Variants in NUGGC observed in about 807,000 individuals in gnomAD.
The protein encoded by NUGGC is nuclear GTPase, germinal center associated, also known as nuclear GTPase SLIP-GC.
Under a neutral mutation model 92.6 loss-of-function variants are expected in NUGGC, and 58 were observed. The ratio of observed to expected loss-of-function variants is 0.63; its 90% confidence interval spans 0.51 to 0.78. The LOEUF (loss-of-function observed/expected upper bound fraction) is 0.78, where lower values mean the gene tolerates loss of function less well. Ranked by LOEUF, NUGGC falls within the 30% of genes least tolerant of loss-of-function variation. NUGGC has a pLI of 0.00. For missense variants in NUGGC, 925 were observed against 964.6 expected (o/e 0.96, Z 0.54); for synonymous variants, 376 against 366.4 (o/e 1.03, Z -0.30).
rs1033788678 is a variant in NUGGC, at chr8:28,022,385, C to G, written c.*932G>C. 6.6e-5 allele frequency: 10 copies of G among 151,120 alleles called. No homozygotes were observed. The highest frequency in any genetic ancestry group is 2.4e-4 in the African/African-American group (10 of 41,248). The allele number at this position is 151,120 out of a possible 1,614,324, so 9.4% of individuals were successfully genotyped here. A position where few individuals can be genotyped will look rare whatever the true frequency, so the allele number is the denominator to read the frequency against. Reference sequence around the variant, plus strand: ...GTGTTAGCCAGGATGGTCTCAATCTCCTGACCTCATGATCCGCCCGCCTCA... The same window carrying G: ...GTGTTAGCCAGGATGGTCTCAATCTGCTGACCTCATGATCCGCCCGCCTCA... On this transcript the variant is annotated 3_prime_UTR_variant, in exon 19 of 19. Transcript: ENST00000413272.
In NUGGC at chr8:28,023,776, C is replaced by T. The variant is rs1056300027; in HGVS notation, c.2246-314G>A. On this transcript the variant is annotated intron_variant, in intron 18 of 18. Transcript: ENST00000413272. The stretch of plus-strand genomic sequence containing the variant: ...ACACCTCCTCTAATTCCTCTCCAGG[C>T]GGCTCCCCCTCTTCCCCCCACCCCA... Among the ~76,000 whole-genome samples, 37 of 152,290 alleles carry T rather than the reference C, an allele frequency of 2.4e-4. No homozygotes were observed. In the East Asian group the frequency reaches 4.0e-3, roughly 17 times the overall value.
At chr8:28,040,006 G>A (rs570307878) in intron 13 of NUGGC, among the ~76,000 whole-genome samples, 2 of 152,176 alleles carry the variant, frequency 1.3e-5, no homozygotes, top group Non-Finnish European at 2.9e-5. Context: ...TCAGTGAAGA[G>A]GCCACGTGAG....
chr8:28,040,666 G>A (rs1274340416), intron 13 of NUGGC, among the ~76,000 whole-genome samples: 8 of 122,546 alleles, frequency 6.5e-5, no homozygotes, highest in Middle Eastern at 4.6e-3. Context: ...TTTTTTTTTT[G>A]AGATGGAGTC....
intron 14 of NUGGC, among the ~76,000 whole-genome samples, chr8:28,032,460 G>A (rs1809444038): frequency 6.6e-6 from 1 of 152,140 alleles, no homozygotes; most frequent in Non-Finnish European, 1.5e-5. Flanking sequence ...GCTCATGCCT[G>A]TAATCCCAGC....
intron 12 of NUGGC, among the ~76,000 whole-genome samples, chr8:28,042,836 C>T (rs1389481956): frequency 6.6e-6 from 1 of 152,192 alleles, no homozygotes; most frequent in Non-Finnish European, 1.5e-5. Context: ...AGAAATAGCT[C>T]TCGAATCGAT....
intron 10 of NUGGC, among the ~76,000 whole-genome samples, chr8:28,048,026 C>G (rs891897867): frequency 2.2e-4 from 34 of 152,214 alleles, no homozygotes; most frequent in African/African-American, 7.0e-4. Context: ...CACTTTCCTA[C>G]TCTGCATTCA....
At position 28,066,501 on chromosome 8, in the gene NUGGC, T is replaced by C. The variant is rs1471603107; in HGVS notation, c.711+1013A>G. On this transcript the variant is annotated intron_variant, in intron 6 of 18. Transcript: ENST00000413272. The stretch of plus-strand genomic sequence containing the variant: ...ATTTAAGGAAGATTTGCTTTGTTAA[T>C]CAGGAGATCATTGAACATTTAACTT... Among the ~76,000 whole-genome samples, 3 of 152,332 alleles carry C rather than the reference T, an allele frequency of 2.0e-5. No homozygotes were observed. The East Asian group carries it at 5.8e-4, about 29-fold the overall frequency.
At chr8:28,047,268 C>T (rs1809863766) in intron 11 of NUGGC, among the ~76,000 whole-genome samples, 1 of 152,168 alleles carries the variant, frequency 6.6e-6, no homozygotes. Context: ...CTGCGCCCAG[C>T]AACCCAATTA....
intron 10 of NUGGC, among the ~76,000 whole-genome samples, chr8:28,051,633 T>G (rs1810004939): frequency 6.6e-6 from 1 of 152,186 alleles, no homozygotes; most frequent in East Asian, 1.9e-4. Context: ...TAGTAAAAAC[T>G]GAGCCAAGGC....
At position 28,045,568 on chromosome 8, in the gene NUGGC, A is replaced by G; in HGVS notation, c.1405T>C (p.Leu469=). 1.2e-6 allele frequency: 2 copies of G among 1,612,924 alleles called. No homozygotes were observed. The highest frequency in any genetic ancestry group is 1.7e-6 in the Non-Finnish European group (2 of 1,179,778). ...GAGTTGAAACTATCTGTGAGGAGCAACAGGCCAAAGGCTTCAGTCACATAC... is the reference window on the plus strand; with the variant it reads ...GAGTTGAAACTATCTGTGAGGAGCAGCAGGCCAAAGGCTTCAGTCACATAC... ...TKYVTEAFGL[L]LLTDSFNSTQ... is the part of the protein sequence containing the mutation. Residue 469 remains leucine, a synonymous_variant, in exon 12 of 19, where the codon TTG becomes CTG. Coordinates refer to ENST00000413272, the MANE Select transcript of NUGGC (RefSeq NM_001010906.2).
intron 12 of NUGGC, among the ~76,000 whole-genome samples, chr8:28,042,001 C>T (rs938677162): frequency 1.3e-5 from 2 of 152,098 alleles, no homozygotes; most frequent in Admixed American, 1.3e-4. Context: ...ATGGGATTGG[C>T]TTTCCCCATA....
intron 9 of NUGGC, among the ~76,000 whole-genome samples, chr8:28,057,945 A>T (rs537085575): frequency 6.6e-6 from 1 of 152,276 alleles, no homozygotes; most frequent in East Asian, 1.9e-4. Flanking sequence ...TAATCCCAGC[A>T]CTTTGGGAGG....
chr8:28,069,799 C>T lies in NUGGC; in HGVS notation c.149-147G>A, dbSNP rs115501194. The T allele has an allele frequency of 2.5e-3, 1,593 of 633,638 alleles. 27 individuals are homozygous for T. The African/African-American group carries it at 0.026, about 10-fold the overall frequency. The allele number at this position is 633,638 out of a possible 1,614,324, so 39.3% of individuals were successfully genotyped here. A position where few individuals can be genotyped will look rare whatever the true frequency, so the allele number is the denominator to read the frequency against. On this transcript the variant is annotated intron_variant, in intron 3 of 18. Coordinates refer to ENST00000413272, the MANE Select transcript of NUGGC (RefSeq NM_001010906.2). ...TTAAACAAGATAGCAGGTTATCTCA[C>T]ACGAGGGATGGCGGCTCACTGGAGA...
chr8:28,030,530 A>G (rs1191702596), intron 15 of NUGGC, 112 bp from the exon 16 acceptor site: 3 of 672,398 alleles, frequency 4.5e-6, no homozygotes, highest in Admixed American at 2.1e-5. Flanking sequence ...TATGATGCCC[A>G]GTTGTTTGTC....
intron 11 of NUGGC, among the ~76,000 whole-genome samples, chr8:28,046,351 A>C: frequency 6.6e-6 from 1 of 152,176 alleles, no homozygotes; most frequent in East Asian, 1.9e-4. Context: ...AGTCAAATGC[A>C]TGCACGTTGC....
chr8:28,059,116 C>G (rs1486292990), intron 8 of NUGGC, among the ~76,000 whole-genome samples: 1 of 152,116 alleles, frequency 6.6e-6, no homozygotes, highest in Non-Finnish European at 1.5e-5. Flanking sequence ...AATTCCAACC[C>G]AGACCATGAC....
chr8:28,072,245 C>T (rs913623671), intron 2 of NUGGC, among the ~76,000 whole-genome samples: 20 of 152,240 alleles, frequency 1.3e-4, no homozygotes, highest in African/African-American at 4.8e-4. Flanking sequence ...TTCAAGAATT[C>T]GCCCTGGCTC....
intron 10 of NUGGC, among the ~76,000 whole-genome samples, chr8:28,055,287 G>T (rs1340357409): frequency 6.6e-6 from 1 of 151,976 alleles, no homozygotes; most frequent in African/African-American, 2.4e-5. Context: ...ATTCTGCTCA[G>T]AGGCTGAGTT....
rs1211233891 is a variant in NUGGC at position 28,041,146 on chromosome 8, T to C, written c.1516A>G (p.Ile506Val). ...TCCATGCAGGCGAAGCACTGTGCGA[T>C]GGCCTTCTCCAGCAGCTCAACCTTC... The part of the protein sequence containing the change: ...EEKVELLEKA[I>V]AQCFACMEQP... The change falls in exon 13 of 19, where the codon ATC becomes GTC. Residue 506 changes from isoleucine (I) to valine (V), a missense_variant. By Grantham distance (29) the Ile-to-Val change is conservative (BLOSUM62 3). Transcript: ENST00000413272. 2 of 1,610,926 alleles carry C rather than the reference T, an allele frequency of 1.2e-6. No individual in the cohort carries two copies. Among genetic ancestry groups the C allele is most frequent in the Non-Finnish European group, 1.7e-6 (2 of 1,178,822 alleles).
Sources: allele counts gnomAD v4.1 joint callset (sites outside exome capture counted in the v4.1 genomes callset), GRCh38; gene constraint gnomAD v4.1.1; transcripts MANE v1.5; gene names NCBI Gene and HGNC (gene_info 2026-07-23, HGNC 2026-07-21).